NRXN1: variants seen among roughly 807,000 people sequenced by gnomAD.
The protein encoded by NRXN1 is neurexin 1, also known as neurexin-1.
NRXN1 carries 39 observed loss-of-function variants against 150.9 expected under a neutral mutation model. The ratio of observed to expected loss-of-function variants is 0.26; its 90% CI spans 0.20 to 0.34. The LOEUF (loss-of-function observed/expected upper bound fraction) is 0.34, where lower values mean the gene tolerates loss of function less well. Among genes scored for constraint, NRXN1 ranks in the 10% least tolerant of loss-of-function variants. The pLI is 1.00. For missense variants in NRXN1, 1,815 were observed against 1,949.9 expected (o/e 0.93, Z 1.30); for synonymous variants, 924 against 757.0 (o/e 1.22, Z -3.62).
intron 5 of NRXN1, among the ~76,000 whole-genome samples, chr2:50,734,457 C>G (rs1698472633): frequency 6.6e-6 from 1 of 152,184 alleles, no homozygotes; most frequent in Middle Eastern, 3.4e-3. Context: ...CAGTGTTGCA[C>G]CGCTTTCTTT....
chr2:50,657,378 T>G (rs901905362), intron 5 of NRXN1, among the ~76,000 whole-genome samples: 1 of 152,082 alleles, frequency 6.6e-6, no homozygotes, highest in African/African-American at 2.4e-5. Flanking sequence ...TGCCTTGCTT[T>G]ATTTTTCTCC....
intron 17 of NRXN1, among the ~76,000 whole-genome samples, chr2:50,392,099 C>T (rs142178222): frequency 1.6e-3 from 238 of 152,200 alleles, no homozygotes; most frequent in African/African-American, 5.4e-3. Flanking sequence ...TGTTCATCAC[C>T]AATACAGCCA....
chr2:50,504,124 A>G (rs2092098608), intron 13 of NRXN1, among the ~76,000 whole-genome samples: 1 of 147,858 alleles, frequency 6.8e-6, no homozygotes, highest in Non-Finnish European at 1.5e-5. Flanking sequence ...AAAGGAGGCT[A>G]AAGAAACATG....
intron 5 of NRXN1, among the ~76,000 whole-genome samples, chr2:50,859,461 T>C (rs1003089906): frequency 2.0e-5 from 3 of 151,940 alleles, no homozygotes; most frequent in Admixed American, 1.3e-4. Context: ...TCTGCAAACA[T>C]ATAAGACAAA....
chr2:50,817,368 C>T (rs1669082989), intron 5 of NRXN1, among the ~76,000 whole-genome samples: 1 of 151,680 alleles, frequency 6.6e-6, no homozygotes, highest in Admixed American at 6.6e-5. Flanking sequence ...AATTAAAAGC[C>T]TCCCAAAAAA....
chr2:50,142,579 A>G (rs996468667), intron 18 of NRXN1, among the ~76,000 whole-genome samples: 3 of 151,910 alleles, frequency 2.0e-5, no homozygotes, highest in Non-Finnish European at 4.4e-5. Context: ...TGTACCCAGT[A>G]AATATGTATA....
At chr2:50,085,613 G>A (rs1410763241) in intron 19 of NRXN1, among the ~76,000 whole-genome samples, 1 of 151,786 alleles carries the variant, frequency 6.6e-6, no homozygotes, top group Non-Finnish European at 1.5e-5. Flanking sequence ...GCTTACTAAC[G>A]AGTATTATTG....
chr2:50,361,081 G>A (rs1406965034), intron 17 of NRXN1, among the ~76,000 whole-genome samples: 2 of 152,106 alleles, frequency 1.3e-5, no homozygotes, highest in African/African-American at 4.8e-5. Context: ...CAAAGACACA[G>A]CGTACCAGCA....
At chr2:50,316,314 C>G (rs1342478106) in intron 17 of NRXN1, among the ~76,000 whole-genome samples, 1 of 152,144 alleles carries the variant, frequency 6.6e-6, no homozygotes, top group East Asian at 1.9e-4. Flanking sequence ...ACTGAGGACT[C>G]TACCTGGTGA....
intron 17 of NRXN1, among the ~76,000 whole-genome samples, chr2:50,378,193 A>T (rs1188942734): frequency 6.6e-6 from 1 of 152,124 alleles, no homozygotes; most frequent in Non-Finnish European, 1.5e-5. Context: ...TGGTCTAATA[A>T]CTGACCTTTC....
intron 5 of NRXN1, among the ~76,000 whole-genome samples, chr2:50,793,676 G>C (rs1706387523): frequency 6.6e-6 from 1 of 152,010 alleles, no homozygotes; most frequent in Non-Finnish European, 1.5e-5. Flanking sequence ...AGGGTAAACA[G>C]AAGATAAAAA....
At chr2:50,520,053 A>G (rs937300735) in intron 12 of NRXN1, among the ~76,000 whole-genome samples, 1 of 152,002 alleles carries the variant, frequency 6.6e-6, no homozygotes, top group Non-Finnish European at 1.5e-5. Context: ...ATTTTTAAAG[A>G]AGCACATATT....
chr2:50,558,953 G>T (rs1165548268), intron 8 of NRXN1, among the ~76,000 whole-genome samples: 1 of 152,054 alleles, frequency 6.6e-6, no homozygotes, highest in Non-Finnish European at 1.5e-5. Context: ...GTGGTGGCGG[G>T]CACCTGTAGT....
At chr2:50,762,760 C>T (rs1410580280) in intron 5 of NRXN1, among the ~76,000 whole-genome samples, 2 of 151,940 alleles carry the variant, frequency 1.3e-5, no homozygotes, top group Non-Finnish European at 2.9e-5. Flanking sequence ...ACCTAGGTTG[C>T]TTCCCTGTCT....
chr2:50,518,448 C>A (rs2092689515), intron 12 of NRXN1, among the ~76,000 whole-genome samples: 2 of 151,634 alleles, frequency 1.3e-5, no homozygotes, highest in Admixed American at 6.6e-5. Flanking sequence ...AAAATGTATT[C>A]AGTGTTTGTG....
intron 17 of NRXN1, among the ~76,000 whole-genome samples, chr2:50,306,890 T>C (rs1469680235): frequency 6.6e-6 from 1 of 152,224 alleles, no homozygotes; most frequent in African/African-American, 2.4e-5. Context: ...TTCAGTTTCC[T>C]GTATGATACT....
In NRXN1 at chr2:50,867,412, G is replaced by A. The variant is rs115028452; in HGVS notation, c.832+54457C>T. On this transcript the variant is annotated intron_variant, in intron 5 of 22. Transcript: ENST00000401669. ...GTTCACTACAGGGAAATGGTTGAGA[G>A]GGGACAGACGGAGAACTGTGAAGAA... 8.5e-3 allele frequency among the ~76,000 whole-genome samples: 1,292 copies of A among 151,936 alleles called. 13 individuals are homozygous for A. Among genetic ancestry groups the A allele is most frequent in the African/African-American group, 0.03 (1,228 of 41,516 alleles).
chr2:50,343,484 T>C (rs1426178141), intron 17 of NRXN1, among the ~76,000 whole-genome samples: 1 of 152,178 alleles, frequency 6.6e-6, no homozygotes, highest in African/African-American at 2.4e-5. Flanking sequence ...ACACAATTTT[T>C]CTATGGAGGT....
intron 5 of NRXN1, among the ~76,000 whole-genome samples, chr2:50,744,396 T>C (rs1229927006): frequency 6.6e-6 from 1 of 152,096 alleles, no homozygotes; most frequent in African/African-American, 2.4e-5. Context: ...TAAGAAAATA[T>C]TTTCTCTCTA....
Sources: allele counts gnomAD v4.1 joint callset (sites outside exome capture counted in the v4.1 genomes callset), GRCh38; gene constraint gnomAD v4.1.1; transcripts MANE v1.5; gene names NCBI Gene and HGNC (gene_info 2026-07-23, HGNC 2026-07-21).